Variants in SH3D19 observed in about 807,000 individuals in gnomAD.
SH3D19 encodes the protein SH3 domain containing 19, also known as SH3 domain-containing protein 19.
A neutral mutation model predicts 112.1 loss-of-function variants in SH3D19; 58 were observed. The observed-to-expected ratio is 0.52, with a 90% confidence interval of 0.42 to 0.64. The LOEUF (loss-of-function observed/expected upper bound fraction) is 0.64, where lower values mean the gene tolerates loss of function less well. SH3D19 is among the 30% of genes least tolerant of loss of function. SH3D19 has a pLI of 0.00. For missense variants in SH3D19, 1,090 were observed against 1,263.4 expected, an observed-to-expected ratio of 0.86 and a Z score of 2.08; for synonymous variants, 391 against 448.5, an observed-to-expected ratio of 0.87 and a Z score of 1.62.
At position 151,133,050 on chromosome 4, in the gene SH3D19, A is replaced by C. The variant is rs770984362; in HGVS notation, c.2673T>G (p.Ser891=). ...TATACTCACTTAAAACATTTGCACCAGAGGTGGGATAATCCTCAACAGGCT... is the reference window on the plus strand; with the variant it reads ...TATACTCACTTAAAACATTTGCACCCGAGGTGGGATAATCCTCAACAGGCT... ...FVEPVEDYPT[S]GANVLSTKVP... is the part of the protein sequence containing the mutation. Residue 891 remains serine, a synonymous_variant, in exon 16 of 20, where the codon TCT becomes TCG. Coordinates refer to ENST00000604030, the MANE Select transcript of SH3D19 (RefSeq NM_001378122.1). 4.3e-5 allele frequency: 69 copies of C among 1,613,864 alleles called. 2 individuals carry two copies. The South Asian group carries it at 6.9e-4, about 16-fold the overall frequency.
At chr4:151,256,686 GTT>G (rs1771946020) in intron 1 of SH3D19, among the ~76,000 whole-genome samples, 1 of 114,644 alleles carries the variant, frequency 8.7e-6, no homozygotes. Context: ...GTACACTTTT[GTT>G]TTGTTGTTTT....
chr4:151,127,246 A>G (rs1344529326), intron 19 of SH3D19, among the ~76,000 whole-genome samples: 4 of 152,160 alleles, frequency 2.6e-5, no homozygotes, highest in Non-Finnish European at 4.4e-5. Flanking sequence ...TTCTCCATCA[A>G]TTTCAAAGAC....
At chr4:151,286,782 C>G (rs927209557) in intron 1 of SH3D19, among the ~76,000 whole-genome samples, 3 of 151,520 alleles carry the variant, frequency 2.0e-5, no homozygotes, top group African/African-American at 7.3e-5. Context: ...GAGTTCGAGA[C>G]GAGCCTAGCA....
At chr4:151,192,327 T>A (rs1315329236) in intron 2 of SH3D19, among the ~76,000 whole-genome samples, 4 of 152,202 alleles carry the variant, frequency 2.6e-5, no homozygotes, top group African/African-American at 7.2e-5. Flanking sequence ...TCCTTATCTG[T>A]AATATGAGGA....
At chr4:151,257,443 T>C (rs1772016661) in intron 1 of SH3D19, among the ~76,000 whole-genome samples, 1 of 152,186 alleles carries the variant, frequency 6.6e-6, no homozygotes, top group Admixed American at 6.5e-5. Context: ...GGAAGTATAA[T>C]CTTCCCCAGT....
chr4:151,185,769 G>C (rs565991690), intron 3 of SH3D19, among the ~76,000 whole-genome samples: 1 of 152,268 alleles, frequency 6.6e-6, no homozygotes, highest in Non-Finnish European at 1.5e-5. Context: ...ATTCATAATG[G>C]GCATGGTGGC....
At chr4:151,286,200 A>AC (rs1466625214) in intron 1 of SH3D19, among the ~76,000 whole-genome samples, 5 of 144,068 alleles carry the variant, frequency 3.5e-5, no homozygotes, top group Admixed American at 6.7e-5. Flanking sequence ...AAAAAAAAAA[A>AC]AAAACAACTA....
At chr4:151,221,559 C>T (rs1365092366) in intron 2 of SH3D19, among the ~76,000 whole-genome samples, 4 of 152,278 alleles carry the variant, frequency 2.6e-5, no homozygotes, top group African/African-American at 4.8e-5. Context: ...CAATAATAGT[C>T]GTGGGCGAGC....
intron 1 of SH3D19, among the ~76,000 whole-genome samples, chr4:151,237,558 C>G (rs533574517): frequency 6.6e-6 from 1 of 152,020 alleles, no homozygotes; most frequent in South Asian, 2.1e-4. Context: ...CTACTTATTA[C>G]CTGAAGGACC....
chr4:151,129,027 CTA>C (rs1327256603), intron 17 of SH3D19, among the ~76,000 whole-genome samples: 1 of 152,096 alleles, frequency 6.6e-6, no homozygotes, highest in Non-Finnish European at 1.5e-5. Flanking sequence ...GTATTTGACA[CTA>C]TGAAAAAATT....
chr4:151,208,839 G>C lies in SH3D19; in HGVS notation c.152+17208C>G, dbSNP rs373646465. On this transcript the variant is annotated intron_variant, in intron 2 of 19. Transcript: ENST00000604030. ...ACTACAGGCGCCCACCACCACGCCC[G>C]GGTAATTTTTTGTATTTTTAGTAGA... 3.8e-4 allele frequency among the ~76,000 whole-genome samples: 57 copies of C among 151,644 alleles called. No individual in the cohort carries two copies. In the South Asian group the frequency reaches 0.012, roughly 32 times the overall value.
intron 13 of SH3D19, among the ~76,000 whole-genome samples, chr4:151,139,447 C>T (rs1209020574): frequency 1.3e-5 from 2 of 152,186 alleles, no homozygotes; most frequent in African/African-American, 4.8e-5. Flanking sequence ...CCACTGCGCC[C>T]GGCCTAGTAC....
At chr4:151,203,070 G>A (rs79737989) in intron 2 of SH3D19, among the ~76,000 whole-genome samples, 1 of 152,094 alleles carries the variant, frequency 6.6e-6, no homozygotes, top group Admixed American at 6.5e-5. Flanking sequence ...TTGGTGGTGG[G>A]GTTAGGATCT....
chr4:151,259,510 C>T (rs10011948), intron 1 of SH3D19: 52,770 of 152,308 alleles, frequency 0.35, 10,340 homozygotes, highest in Non-Finnish European at 0.46. Context: ...TCTGGTATTG[C>T]CTCAGGCTGG....
At chr4:151,251,202 T>TC (rs1354114578) in intron 1 of SH3D19, among the ~76,000 whole-genome samples, 1 of 150,508 alleles carries the variant, frequency 6.6e-6, no homozygotes, top group Non-Finnish European at 1.5e-5. Flanking sequence ...TTTTTCCTTT[T>TC]TTTTTTTTTT....
chr4:151,170,201 AT>A (rs548945770), intron 7 of SH3D19, among the ~76,000 whole-genome samples: 10 of 151,394 alleles, frequency 6.6e-5, no homozygotes, highest in Admixed American at 2.0e-4. Flanking sequence ...GGGAGTTTAC[AT>A]TTTTTTTTAA....
chr4:151,298,694 G>A (rs1214303120), intron 1 of SH3D19, among the ~76,000 whole-genome samples: 1 of 152,036 alleles, frequency 6.6e-6, no homozygotes, highest in Non-Finnish European at 1.5e-5. Context: ...CTTTAACACT[G>A]CATCCAAGAA....
intron 2 of SH3D19, among the ~76,000 whole-genome samples, chr4:151,195,458 C>T (rs896357608): frequency 1.3e-5 from 2 of 150,718 alleles, no homozygotes; most frequent in African/African-American, 2.4e-5. Flanking sequence ...CTATGTTATT[C>T]CAGGCATTGT....
At chr4:151,192,933 T>A (rs1204552631) in intron 2 of SH3D19, among the ~76,000 whole-genome samples, 1 of 152,120 alleles carries the variant, frequency 6.6e-6, no homozygotes, top group African/African-American at 2.4e-5. Context: ...AAAATCAGAA[T>A]ATGTTGCCTT....
Sources: allele counts gnomAD v4.1 joint callset (sites outside exome capture counted in the v4.1 genomes callset), GRCh38; gene constraint gnomAD v4.1.1; transcripts MANE v1.5; gene names NCBI Gene and HGNC (gene_info 2026-07-23, HGNC 2026-07-21).